NTF3: variants seen among roughly 807,000 people sequenced by gnomAD.
NTF3 encodes neurotrophin 3.
Under a neutral mutation model 26.3 loss-of-function variants are expected in NTF3, and 8 were observed. The ratio of observed to expected loss-of-function variants is 0.30; its 90% CI spans 0.18 to 0.55. The LOEUF (loss-of-function observed/expected upper bound fraction) is 0.55, where lower values mean the gene tolerates loss of function less well. NTF3 is among the 20% of genes least tolerant of loss of function. The pLI is 0.93. For synonymous variants in NTF3, 154 were observed against 145.5 expected, an observed-to-expected ratio of 1.06 and a Z score of -0.42; for missense variants, 276 against 352.9, an observed-to-expected ratio of 0.78 and a Z score of 1.75.
chr12:5,467,228 C>CAA (rs60794349), intron 1 of NTF3, among the ~76,000 whole-genome samples: 930 of 49,568 alleles, frequency 0.019, 118 homozygotes, highest in African/African-American at 0.048. Flanking sequence ...GACTCCGTCT[C>CAA]AAAAAAAAAA....
At position 5,494,665 on chromosome 12, in the gene NTF3, G is replaced by A; in HGVS notation, c.490G>A (p.Val164Ile). 6.2e-7 allele frequency: 1 copy of A among 1,614,182 alleles called. No individual in the cohort carries two copies. Among genetic ancestry groups the A allele is most frequent in the Non-Finnish European group, 8.5e-7 (1 of 1,180,048 alleles). Residue 164 changes from valine (V) to isoleucine (I), a missense_variant, in exon 2 of 2, where the codon GTA (valine) becomes ATA (isoleucine). Physicochemically the swap from Val to Ile is conservative, Grantham distance 29 (BLOSUM62 3). Around this residue, in one of 3 missense-constraint regions of NTF3, gnomAD observed 221 missense variants for 258.2 expected, o/e 0.86. Transcript: ENST00000423158. This position sits in a 1 kb window ranked among gnomAD's most constrained non-coding sequence, Gnocchi z 8.3. ...TAAGAGTCACCGAGGGGAGTACTCG[G>A]TATGTGACAGTGAGAGTCTGTGGGT... ...EHKSHRGEYSVCDSESLWVTD... is the reference protein window; with the variant it reads ...EHKSHRGEYSICDSESLWVTD...
In NTF3 at chr12:5,494,727, C is replaced by G. The variant is rs748724743; in HGVS notation, c.552C>G (p.His184Gln). 6.2e-7 allele frequency: 1 copy of G among 1,614,122 alleles called. No homozygotes were observed. Among genetic ancestry groups the G allele is most frequent in the Admixed American group, 1.7e-5 (1 of 60,020 alleles). ...DKSSAIDIRG[H>Q]QVTVLGEIKT... Reference sequence around the variant, plus strand: ...CATCGGCCATCGACATTCGGGGACACCAGGTCACGGTGCTGGGGGAGATCA... The same window carrying G: ...CATCGGCCATCGACATTCGGGGACAGCAGGTCACGGTGCTGGGGGAGATCA... Residue 184 changes from histidine (H) to glutamine (Q), a missense_variant, in exon 2 of 2, where the codon CAC becomes CAG. Physicochemically the swap from His to Gln is conservative, Grantham distance 24. Coordinates refer to ENST00000423158, the MANE Select transcript of NTF3 (RefSeq NM_001102654.2). This position sits in a 1 kb window ranked among gnomAD's most constrained non-coding sequence, Gnocchi z 8.3.
In NTF3 at chr12:5,494,650, C is replaced by A; in HGVS notation, c.475C>A (p.Arg159=). The change falls in exon 2 of 2, where the codon CGA becomes AGA. Residue 159 remains arginine, a synonymous_variant. Coordinates refer to ENST00000423158, the MANE Select transcript of NTF3 (RefSeq NM_001102654.2). The surrounding 1 kb of genome is among the most constrained non-coding windows in gnomAD (Gnocchi z 8.3). ...RKRYAEHKSH[R]GEYSVCDSES... ...ACGGTACGCGGAGCATAAGAGTCAC[C>A]GAGGGGAGTACTCGGTATGTGACAG... 6.2e-7 allele frequency: 1 copy of A among 1,614,042 alleles called. No homozygotes were observed. The highest frequency in any genetic ancestry group is 2.2e-5 in the East Asian group (1 of 44,884).
In NTF3 at chr12:5,494,372, T is replaced by C. The variant is rs1940976318; in HGVS notation, c.197T>C (p.Val66Ala). 6.2e-7 allele frequency: 1 copy of C among 1,613,740 alleles called. No homozygotes were observed. Among genetic ancestry groups the C allele is most frequent in the Non-Finnish European group, 8.5e-7 (1 of 1,179,986 alleles). The change falls in exon 2 of 2, where the codon GTG (valine) becomes GCG (alanine). Residue 66 changes from valine to alanine, a missense_variant. Val to Ala is a moderately conservative substitution (Grantham distance 64). Transcript: ENST00000423158. This position sits in a 1 kb window ranked among gnomAD's most constrained non-coding sequence, Gnocchi z 8.3. ...ILKNKLSKQM[V>A]DVKENYQSTL... ...AAAAACAAGCTCTCCAAGCAGATGGTGGACGTTAAGGAAAATTACCAGAGC... is the reference window on the plus strand; with the variant it reads ...AAAAACAAGCTCTCCAAGCAGATGGCGGACGTTAAGGAAAATTACCAGAGC...
chr12:5,435,815 TGGG>T (rs538371274), intron 1 of NTF3, among the ~76,000 whole-genome samples: 17 of 151,820 alleles, frequency 1.1e-4, no homozygotes, highest in Non-Finnish European at 1.6e-4. Context: ...GAGTGTGTGT[TGGG>T]GGGGTGGGTA....
Position 5,432,331 on chromosome 12 carries a change from AC to A in NTF3, c.8del (p.Thr3IlefsTer8). Reference protein sequence around the residue: MVTFATILQVNKV... With the variant: MVXFATILQVNKV... ...AAACGGCCACACGGATGCCATGGTT[AC>A]TTTTGCCACGGTAAGGGGAGGCGGC... On this transcript the variant is annotated frameshift_variant, in exon 1 of 2. Coordinates refer to ENST00000423158, the MANE Select transcript of NTF3 (RefSeq NM_001102654.2). LOFTEE classifies it high-confidence loss of function. The A allele has an allele frequency of 1.2e-6, 2 of 1,612,592 alleles. No homozygotes were observed. The highest frequency in any genetic ancestry group is 1.7e-6 in the Non-Finnish European group (2 of 1,179,650).
At chr12:5,483,540 G>A (rs190369650) in intron 1 of NTF3, among the ~76,000 whole-genome samples, 84 of 152,284 alleles carry the variant, frequency 5.5e-4, no homozygotes, top group African/African-American at 2.0e-3. Context: ...GTCTATTATT[G>A]TTGGGCATTT....
chr12:5,434,925 G>C (rs997454145), intron 1 of NTF3, among the ~76,000 whole-genome samples: 5 of 152,052 alleles, frequency 3.3e-5, no homozygotes, highest in African/African-American at 1.2e-4. Flanking sequence ...GGGCATGTAG[G>C]GGGTAGAAAA....
At chr12:5,432,079 GTTATAA>G, upstream of NTF3, 1 of 551,656 alleles carries the variant, frequency 1.8e-6, no homozygotes, top group Non-Finnish European at 3.3e-6. Flanking sequence ...GGGTTGGCTG[GTTATAA>G]CCGCGCAGAT....
chr12:5,454,143 G>A (rs745590967), intron 1 of NTF3, among the ~76,000 whole-genome samples: 4 of 152,164 alleles, frequency 2.6e-5, no homozygotes, highest in East Asian at 1.9e-4. Context: ...TCAAGGTTGC[G>A]GTCAGGGCCG....
intron 1 of NTF3, among the ~76,000 whole-genome samples, chr12:5,480,484 T>C (rs965064428): frequency 6.6e-6 from 1 of 152,156 alleles, no homozygotes; most frequent in Admixed American, 6.5e-5. Flanking sequence ...AAGGAGGGTC[T>C]CCCTGCAGCT....
chr12:5,443,935 C>T (rs1034430623), intron 1 of NTF3, among the ~76,000 whole-genome samples: 2 of 152,116 alleles, frequency 1.3e-5, no homozygotes, highest in Non-Finnish European at 2.9e-5. Context: ...AGACTGTGGT[C>T]TATTAGCATG....
intron 1 of NTF3, among the ~76,000 whole-genome samples, chr12:5,479,484 C>T (rs1308829241): frequency 6.6e-6 from 1 of 152,224 alleles, no homozygotes; most frequent in Non-Finnish European, 1.5e-5. Flanking sequence ...CTGGTGATCA[C>T]AGGCATGTGG....
At chr12:5,441,766 C>T (rs1367609990) in intron 1 of NTF3, among the ~76,000 whole-genome samples, 1 of 152,218 alleles carries the variant, frequency 6.6e-6, no homozygotes, top group Admixed American at 6.5e-5. Flanking sequence ...GGCAGTGCAC[C>T]TTGCCAGGGC....
At chr12:5,448,044 C>T (rs1031413493) in intron 1 of NTF3, among the ~76,000 whole-genome samples, 13 of 152,168 alleles carry the variant, frequency 8.5e-5, no homozygotes, top group African/African-American at 3.1e-4. Flanking sequence ...CAACCCAGTC[C>T]CCTACTTCGT....
intron 1 of NTF3, among the ~76,000 whole-genome samples, chr12:5,444,746 T>C (rs976279903): frequency 6.6e-6 from 1 of 152,138 alleles, no homozygotes; most frequent in Non-Finnish European, 1.5e-5. Context: ...AAAAGATCCC[T>C]CCGGCTGCAG....
At chr12:5,466,927 A>C (rs543846004) in intron 1 of NTF3, among the ~76,000 whole-genome samples, 1 of 152,234 alleles carries the variant, frequency 6.6e-6, no homozygotes, top group Middle Eastern at 3.4e-3. Context: ...ATTCTCCCTC[A>C]TACCCTTAAA....
At chr12:5,489,281 T>C (rs548110608) in intron 1 of NTF3, among the ~76,000 whole-genome samples, 25 of 152,360 alleles carry the variant, frequency 1.6e-4, no homozygotes, top group Admixed American at 3.3e-4. Flanking sequence ...CTGAGGCTTC[T>C]TGGGGAAGGA....
At chr12:5,452,906 A>G (rs187772241) in intron 1 of NTF3, among the ~76,000 whole-genome samples, 220 of 152,314 alleles carry the variant, frequency 1.4e-3, no homozygotes, top group Non-Finnish European at 2.6e-3. Flanking sequence ...CCTTACAGCT[A>G]AGTGCACATC....
Sources: allele counts gnomAD v4.1 joint callset (sites outside exome capture counted in the v4.1 genomes callset), GRCh38; gene constraint gnomAD v4.1.1; regional missense constraint gnomAD v4.1.1; non-coding constraint Gnocchi (gnomAD v3.1); transcripts MANE v1.5; gene names NCBI Gene and HGNC (gene_info 2026-07-23, HGNC 2026-07-21).